The following SLC25A12 variants were observed in gnomAD, a reference collection of about 807,000 sequenced individuals.
SLC25A12 encodes the protein electrogenic aspartate/glutamate antiporter SLC25A12, mitochondrial.
SLC25A12 carries 32 observed loss-of-function variants against 83.3 expected under a neutral mutation model. The observed-to-expected ratio is 0.38, with a 90% CI of 0.29 to 0.52. The LOEUF (loss-of-function observed/expected upper bound fraction) is 0.52, where lower values mean the gene tolerates loss of function less well. Ranked by LOEUF, SLC25A12 falls within the 20% of genes least tolerant of loss-of-function variation. SLC25A12 has a pLI of 0.84. For missense variants in SLC25A12, 611 were observed against 835.6 expected (o/e 0.73, Z 3.31); for synonymous variants, 267 against 291.1 (o/e 0.92, Z 0.84).
intron 13 of SLC25A12, among the ~76,000 whole-genome samples, chr2:171,800,391 C>A (rs1683687312): frequency 6.6e-6 from 1 of 151,818 alleles, no homozygotes; most frequent in South Asian, 2.1e-4. Flanking sequence ...TAATCAACAT[C>A]TTTAGGAATC....
chr2:171,802,391 TATC>T (rs1258669501), intron 13 of SLC25A12, among the ~76,000 whole-genome samples: 1 of 151,346 alleles, frequency 6.6e-6, no homozygotes, highest in Non-Finnish European at 1.5e-5. Flanking sequence ...ACATCCAAGT[TATC>T]ATAAATTCTG....
At chr2:171,885,617 A>C (rs1004519516) in intron 2 of SLC25A12, among the ~76,000 whole-genome samples, 2 of 152,180 alleles carry the variant, frequency 1.3e-5, no homozygotes, top group Non-Finnish European at 2.9e-5. Context: ...GGTTGCAGTG[A>C]GCCAAGATCA....
In SLC25A12 at chr2:171,825,407, T is replaced by A. The variant is rs1318991312; in HGVS notation, c.930+1391A>T. Among the ~76,000 whole-genome samples, 5 of 152,172 alleles carry A rather than the reference T, an allele frequency of 3.3e-5. No homozygotes were observed. In the East Asian group the frequency reaches 9.6e-4, roughly 29 times the overall value. On this transcript the variant is annotated intron_variant, in intron 9 of 17. Transcript: ENST00000422440. ...GTAGAAGAAAGGTTTCCTAACCAAG[T>A]CTTCCCAAAGCGAACTACACTTAAA...
In SLC25A12 at chr2:171,787,678, G is replaced by A. The variant is rs758575289; in HGVS notation, c.1745-17C>T. The A allele has an allele frequency of 1.9e-6, 3 of 1,612,522 alleles. No individual in the cohort carries two copies. The South Asian group carries it at 3.3e-5, about 18-fold the overall frequency. On this transcript the variant is annotated splice_polypyrimidine_tract_variant and intron_variant, in intron 16 of 17. Coordinates refer to ENST00000422440, the MANE Select transcript of SLC25A12 (RefSeq NM_003705.5). ...ACACTCGAGCTGAAAAAGAGAAGCAGGGGCAGGGGAGACTTGAAACCAGGA... is the reference window on the plus strand; with the variant it reads ...ACACTCGAGCTGAAAAAGAGAAGCAAGGGCAGGGGAGACTTGAAACCAGGA...
intron 1 of SLC25A12, 58 bp downstream of exon 1, chr2:171,894,145 G>A: frequency 1.0e-5 from 16 of 1,584,638 alleles, no homozygotes; most frequent in Non-Finnish European, 1.4e-5. Context: ...GGGGCTGCAG[G>A]CAGGGCGCTC....
chr2:171,842,151 T>C (rs763502637), intron 5 of SLC25A12, among the ~76,000 whole-genome samples: 1 of 151,916 alleles, frequency 6.6e-6, no homozygotes, highest in African/African-American at 2.4e-5. Flanking sequence ...GATGAATGGA[T>C]AGACAAAATA....
intron 9 of SLC25A12, among the ~76,000 whole-genome samples, chr2:171,824,209 C>T (rs555696885): frequency 3.9e-5 from 6 of 152,274 alleles, no homozygotes; most frequent in African/African-American, 9.6e-5. Context: ...AAAGCATCAG[C>T]GCTGCCACTG....
intron 2 of SLC25A12, among the ~76,000 whole-genome samples, chr2:171,877,976 A>C (rs1685609502): frequency 6.6e-6 from 1 of 152,234 alleles, no homozygotes; most frequent in East Asian, 1.9e-4. Context: ...ATGGTGTATC[A>C]AGATTAAGGA....
Position 171,787,662 on chromosome 2 carries a change from C to T in SLC25A12, c.1745-1G>A. 6.2e-7 allele frequency: 1 copy of T among 1,613,920 alleles called. No individual in the cohort carries two copies. Among genetic ancestry groups the T allele is most frequent in the Non-Finnish European group, 8.5e-7 (1 of 1,179,838 alleles). On this transcript the variant is annotated splice_acceptor_variant, in intron 16 of 17. Coordinates refer to ENST00000422440, the MANE Select transcript of SLC25A12 (RefSeq NM_003705.5). LOFTEE classifies it high-confidence loss of function. ...TGGGGAGAGGATCGAAACACTCGAG[C>T]TGAAAAAGAGAAGCAGGGGCAGGGG...
intron 5 of SLC25A12, among the ~76,000 whole-genome samples, chr2:171,842,988 T>C (rs771444191): frequency 1.1e-4 from 17 of 152,028 alleles, no homozygotes; most frequent in Non-Finnish European, 1.8e-4. Flanking sequence ...GCCTGGCTAA[T>C]TTTTGTATTT....
rs1041798482 is a variant in SLC25A12 at position 171,894,191 on chromosome 2, A to T, written c.12+12T>A. 1.2e-6 allele frequency: 2 copies of T among 1,608,086 alleles called. No individual in the cohort carries two copies. Among genetic ancestry groups the T allele is most frequent in the Non-Finnish European group, 1.7e-6 (2 of 1,177,520 alleles). On this transcript the variant is annotated intron_variant, in intron 1 of 17. Coordinates refer to ENST00000422440, the MANE Select transcript of SLC25A12 (RefSeq NM_003705.5). ...TTATGCAATAAAAGCAGCAGCAGAG[A>T]GTTGGAGTCACCTTGACCGCCATGC...
At chr2:171,789,818 C>T (rs928688685) in intron 15 of SLC25A12, among the ~76,000 whole-genome samples, 3 of 151,738 alleles carry the variant, frequency 2.0e-5, no homozygotes, top group Non-Finnish European at 4.4e-5. Flanking sequence ...CGCTTGAACC[C>T]GGGAGGCAGA....
At chr2:171,810,644 A>G (rs1683929085) in intron 11 of SLC25A12, among the ~76,000 whole-genome samples, 1 of 152,198 alleles carries the variant, frequency 6.6e-6, no homozygotes, top group South Asian at 2.1e-4. Flanking sequence ...AACAACATAT[A>G]AACATACACA....
intron 13 of SLC25A12, among the ~76,000 whole-genome samples, chr2:171,805,467 G>C (rs978996115): frequency 1.2e-4 from 19 of 152,146 alleles, no homozygotes; most frequent in African/African-American, 3.6e-4. Context: ...ATGAGTAAGT[G>C]AATATATGAA....
intron 2 of SLC25A12, among the ~76,000 whole-genome samples, chr2:171,892,046 T>C (rs922165368): frequency 6.6e-6 from 1 of 152,194 alleles, no homozygotes; most frequent in Non-Finnish European, 1.5e-5. Context: ...TCATAGACTT[T>C]TGGAATGGGA....
intron 2 of SLC25A12, among the ~76,000 whole-genome samples, chr2:171,889,704 CCT>C (rs10557724): frequency 0.32 from 48,789 of 151,784 alleles, 8,466 homozygotes; most frequent in East Asian, 0.73. Context: ...GCCATTATCC[CCT>C]GATATACCTC....
intron 8 of SLC25A12, among the ~76,000 whole-genome samples, chr2:171,831,940 C>T (rs893379605): frequency 3.3e-5 from 5 of 151,916 alleles, no homozygotes; most frequent in Non-Finnish European, 5.9e-5. Context: ...GTAACAACAG[C>T]TAGATCTTCC....
chr2:171,869,467 G>A (rs2105918362), intron 2 of SLC25A12, among the ~76,000 whole-genome samples: 1 of 152,248 alleles, frequency 6.6e-6, no homozygotes, highest in African/African-American at 2.4e-5. Context: ...GCACCAGGGA[G>A]ACACGTAATC....
chr2:171,829,748 C>T (rs760077630), intron 8 of SLC25A12, among the ~76,000 whole-genome samples: 4 of 152,210 alleles, frequency 2.6e-5, no homozygotes, highest in African/African-American at 7.2e-5. Flanking sequence ...CATAGAGAGA[C>T]GTTCAATTCA....
Sources: gnomAD v4.1 joint callset for allele counts (sites outside exome capture counted in the v4.1 genomes callset) on GRCh38, gnomAD v4.1.1 for gene constraint, MANE v1.5 for transcripts, NCBI Gene and HGNC (gene_info 2026-07-23, HGNC 2026-07-21) for gene names.